The following DDX1 variants were observed in gnomAD, a reference collection of about 807,000 sequenced individuals.
The protein encoded by DDX1 is DEAD-box helicase 1.
DDX1 carries 28 observed loss-of-function variants against 108.7 expected under a neutral mutation model. That is an observed-to-expected ratio of 0.26 (90% confidence interval 0.19 to 0.35). The LOEUF is 0.35. Among genes scored for constraint, DDX1 ranks in the 10% least tolerant of loss-of-function variants. The pLI is 1.00. For missense variants in DDX1, 710 were observed against 884.5 expected, an observed-to-expected ratio of 0.80 and a Z score of 2.50; for synonymous variants, 295 against 288.9, an observed-to-expected ratio of 1.02 and a Z score of -0.21.
intron 14 of DDX1, among the ~76,000 whole-genome samples, chr2:15,614,691 A>G (rs1181641195): frequency 2.0e-5 from 3 of 152,184 alleles, no homozygotes; most frequent in South Asian, 2.1e-4. Context: ...TGCTGGCACT[A>G]TGCTCTTGAA....
chr2:15,621,900 C>T (rs773210987), intron 18 of DDX1, among the ~76,000 whole-genome samples: 16 of 152,164 alleles, frequency 1.1e-4, no homozygotes, highest in Non-Finnish European at 1.8e-4. Flanking sequence ...ATGATCCACC[C>T]GCCTTGGCTT....
At chr2:15,604,561 T>G (rs1665635267) in intron 10 of DDX1, 52 bp downstream of exon 10, 1 of 1,271,638 alleles carries the variant, frequency 7.9e-7, no homozygotes, top group South Asian at 1.2e-5. Context: ...ATTCAATAAT[T>G]GTGGTTTTTA....
chr2:15,629,067 C>T (rs975156863), intron 23 of DDX1, among the ~76,000 whole-genome samples: 3 of 152,046 alleles, frequency 2.0e-5, no homozygotes, highest in Non-Finnish European at 4.4e-5. Context: ...CTTTATTGTA[C>T]TCATTTCCAC....
chr2:15,599,793 ATAAGAT>A (rs926006681), intron 6 of DDX1, 77 bp downstream of exon 6: 30 of 1,046,612 alleles, frequency 2.9e-5, no homozygotes, highest in African/African-American at 1.3e-4. Flanking sequence ...CACCAAGTAA[ATAAGAT>A]TAAGATTTAA....
At chr2:15,607,430 TGTGA>T (rs1665681948) in intron 13 of DDX1, 117 bp downstream of exon 13, 3 of 762,514 alleles carry the variant, frequency 3.9e-6, no homozygotes, top group Non-Finnish European at 6.2e-6. Context: ...AATACACGTG[TGTGA>T]GTATGTAAAT....
At chr2:15,628,197 T>A (rs1666131046) in intron 20 of DDX1, among the ~76,000 whole-genome samples, 1 of 152,210 alleles carries the variant, frequency 6.6e-6, no homozygotes, top group African/African-American at 2.4e-5. Context: ...TAGTTTAATA[T>A]CTTTGAGTAG....
intron 8 of DDX1, 79 bp downstream of exon 8, chr2:15,603,354 T>A: frequency 1.0e-6 from 1 of 976,754 alleles, no homozygotes; most frequent in Non-Finnish European, 1.6e-6. Context: ...AGCAAAATAA[T>A]AAATTTAACC....
chr2:15,611,837 G>T (rs1573043918), intron 13 of DDX1, among the ~76,000 whole-genome samples: 1 of 92,872 alleles, frequency 1.1e-5, no homozygotes, highest in Non-Finnish European at 2.0e-5. Context: ...GGGCAGAGGG[G>T]CTCCTCACTT....
chr2:15,629,120 C>T (rs1666149198), intron 23 of DDX1, among the ~76,000 whole-genome samples: 2 of 152,068 alleles, frequency 1.3e-5, no homozygotes, highest in Admixed American at 6.5e-5. Context: ...CCATGGAAGA[C>T]CTTTCATGGT....
chr2:15,611,626 A>C (rs1356659499), intron 13 of DDX1, among the ~76,000 whole-genome samples: 1 of 98,534 alleles, frequency 1.0e-5, no homozygotes, highest in East Asian at 3.5e-4. Flanking sequence ...CTCACTTCCC[A>C]GTAGGGGTGG....
Position 15,630,861 on chromosome 2 carries a change from C to G in DDX1, c.2178C>G (p.Phe726Leu), listed in dbSNP as rs1573054079. ...AALEKEAQTS[F>L]LHLGYLPNQL... ...TTGAAAAGGAGGCGCAGACATCTTTCCTGCATCTTGGCTACCTTCCTAACC... is the reference window on the plus strand; with the variant it reads ...TTGAAAAGGAGGCGCAGACATCTTTGCTGCATCTTGGCTACCTTCCTAACC... The change falls in exon 26 of 26, where the codon TTC becomes TTG. Residue 726 changes from phenylalanine (F) to leucine (L), a missense_variant. By Grantham distance (22) the Phe-to-Leu change is conservative. Transcript: ENST00000233084. 1.2e-6 allele frequency: 2 copies of G among 1,614,078 alleles called. No homozygotes were observed. Among genetic ancestry groups the G allele is most frequent in the Non-Finnish European group, 1.7e-6 (2 of 1,179,966 alleles).
Position 15,602,612 on chromosome 2 carries a change from T to C in DDX1, c.372T>C (p.Ala124=). Residue 124 remains alanine (A), a synonymous_variant, in exon 7 of 26, where the codon GCT becomes GCC. Transcript: ENST00000233084. ...REVKEWHGCR[A]TKGLMKGKHY... ...TAAAGGAATGGCATGGGTGTAGAGC[T>C]ACTAAAGGATTAATGAAAGGTATTT... is the stretch of plus-strand genomic sequence containing the variant. 6.2e-7 allele frequency: 1 copy of C among 1,612,078 alleles called. No homozygotes were observed. Among genetic ancestry groups the C allele is most frequent in the South Asian group, 1.1e-5 (1 of 91,026 alleles).
intron 16 of DDX1, among the ~76,000 whole-genome samples, chr2:15,618,980 C>G (rs577932133): frequency 6.6e-6 from 1 of 152,350 alleles, no homozygotes; most frequent in African/African-American, 2.4e-5. Context: ...AAGCAGACAT[C>G]TCCGAACCTG....
At chr2:15,610,728 A>G (rs7594392) in intron 13 of DDX1, among the ~76,000 whole-genome samples, 36,526 of 152,188 alleles carry the variant, frequency 0.24, 5,404 homozygotes, top group African/African-American at 0.42. Context: ...ATCCTAATGT[A>G]GAAGAATATG....
intron 19 of DDX1, among the ~76,000 whole-genome samples, chr2:15,624,017 A>G (rs1006958758): frequency 3.3e-5 from 5 of 152,164 alleles, no homozygotes; most frequent in African/African-American, 1.2e-4. Flanking sequence ...AATAAGATCA[A>G]TGTTGGAAAA....
chr2:15,616,497 A>T lies in DDX1; in HGVS notation c.1018-747A>T, dbSNP rs551437642. Among the ~76,000 whole-genome samples, 44 of 152,344 alleles carry T rather than the reference A, an allele frequency of 2.9e-4. No homozygotes were observed. The South Asian group carries it at 8.5e-3, about 29-fold the overall frequency. On this transcript the variant is annotated intron_variant, in intron 14 of 25. Coordinates refer to ENST00000233084, the MANE Select transcript of DDX1 (RefSeq NM_004939.3). ...TATGTGTGGGAGAATGCAAAATGTT[A>T]ACTGTTTGTACTGGCACCGAGGCTC... is the stretch of plus-strand genomic sequence containing the variant.
At chr2:15,612,207 G>C (rs1665782390) in intron 13 of DDX1, among the ~76,000 whole-genome samples, 1 of 151,578 alleles carries the variant, frequency 6.6e-6, no homozygotes, top group Admixed American at 6.5e-5. Flanking sequence ...CCTCCTTCCT[G>C]GACGGGGTGG....
chr2:15,624,192 A>G (rs984163741), intron 19 of DDX1, among the ~76,000 whole-genome samples: 23 of 152,304 alleles, frequency 1.5e-4, no homozygotes, highest in East Asian at 3.9e-4. Context: ...AATATTATGC[A>G]TGTGTCAGCT....
At position 15,630,959 on chromosome 2, in the gene DDX1, C is replaced by T; in HGVS notation, c.*53C>T. ...GTAATGAAAGTCTGTAGTCTTAAAA[C>T]TCTAAAACAGTTGTACTGCTTCCAA... is the stretch of plus-strand genomic sequence containing the variant. On this transcript the variant is annotated 3_prime_UTR_variant, in exon 26 of 26. Coordinates refer to ENST00000233084, the MANE Select transcript of DDX1 (RefSeq NM_004939.3). 1 of 1,575,984 alleles carries T rather than the reference C, an allele frequency of 6.3e-7. No individual in the cohort carries two copies. Among genetic ancestry groups the T allele is most frequent in the Non-Finnish European group, 8.7e-7 (1 of 1,148,900 alleles).
Sources: allele counts gnomAD v4.1 joint callset (sites outside exome capture counted in the v4.1 genomes callset), GRCh38; gene constraint gnomAD v4.1.1; transcripts MANE v1.5; gene names NCBI Gene and HGNC (gene_info 2026-07-23, HGNC 2026-07-21).